The following CFAP54 variants were observed in gnomAD, a reference collection of about 807,000 sequenced individuals.
The protein encoded by CFAP54 is cilia and flagella associated protein 54, also known as cilia- and flagella-associated protein 54.
A neutral mutation model predicts 370.4 loss-of-function variants in CFAP54; 290 were observed. The observed-to-expected ratio is 0.78, with a 90% confidence interval of 0.71 to 0.86. CFAP54 has a LOEUF of 0.86. Ranked by LOEUF, CFAP54 falls within the 40% of genes least tolerant of loss-of-function variation. CFAP54 has a pLI of 0.00. For synonymous variants in CFAP54, 1,206 were observed against 1,236.5 expected, an observed-to-expected ratio of 0.98 and a Z score of 0.52; for missense variants, 3,399 against 3,528.7, an observed-to-expected ratio of 0.96 and a Z score of 0.93.
chr12:96,507,166 A>G, intron 4 of CFAP54, 67 bp downstream of exon 4: 1 of 1,187,920 alleles, frequency 8.4e-7, no homozygotes. Context: ...TAAGTTTGAC[A>G]GTAGCTTGAG....
chr12:96,547,888 C>T lies in CFAP54; in HGVS notation c.2078-14C>T. 7.2e-7 allele frequency: 1 copy of T among 1,397,436 alleles called. No homozygotes were observed. The highest frequency in any genetic ancestry group is 1.4e-5 in the South Asian group (1 of 72,670). 86.6% of individuals were successfully genotyped at this position (1,397,436 alleles called of 1,614,324 possible). On this transcript the variant is annotated splice_polypyrimidine_tract_variant and intron_variant, in intron 14 of 67. Transcript: ENST00000524981. ...TCCATCCTTCATTCCCTTCCTCCTTCCTTTCTTTTCCAGATGTACCTTTAA... is the reference window on the plus strand; with the variant it reads ...TCCATCCTTCATTCCCTTCCTCCTTTCTTTCTTTTCCAGATGTACCTTTAA...
At chr12:96,771,188 C>T (rs189476196) in intron 60 of CFAP54, among the ~76,000 whole-genome samples, 6 of 152,254 alleles carry the variant, frequency 3.9e-5, no homozygotes, top group Admixed American at 3.9e-4. Context: ...GACTTCAGTA[C>T]CAGACTCAAG....
At chr12:96,576,289 C>A (rs1451314771) in intron 19 of CFAP54, among the ~76,000 whole-genome samples, 1 of 151,562 alleles carries the variant, frequency 6.6e-6, no homozygotes, top group African/African-American at 2.4e-5. Flanking sequence ...GGTAGATATT[C>A]AAAAGGTTCA....
At chr12:96,544,476 T>C (rs1250865152) in intron 14 of CFAP54, among the ~76,000 whole-genome samples, 1 of 126,736 alleles carries the variant, frequency 7.9e-6, no homozygotes, top group Non-Finnish European at 1.8e-5. Flanking sequence ...TCCTGCTCCT[T>C]TTTCTCTCCA....
At chr12:96,681,187 T>A (rs1193079199) in intron 40 of CFAP54, among the ~76,000 whole-genome samples, 3 of 151,948 alleles carry the variant, frequency 2.0e-5, no homozygotes, top group Non-Finnish European at 2.9e-5. Flanking sequence ...AGGAATGGTT[T>A]ATACCAACTC....
intron 56 of CFAP54, among the ~76,000 whole-genome samples, chr12:96,755,814 C>A (rs144128475): frequency 6.6e-6 from 1 of 151,726 alleles, no homozygotes; most frequent in Non-Finnish European, 1.5e-5. Flanking sequence ...ATTACAGGCG[C>A]GCACCACCAT....
intron 1 of CFAP54, among the ~76,000 whole-genome samples, chr12:96,493,926 G>A (rs1954917620): frequency 6.6e-6 from 1 of 152,208 alleles, no homozygotes; most frequent in South Asian, 2.1e-4. Context: ...AAGATAGGAA[G>A]TTGCAATTTT....
chr12:96,750,251 C>A (rs1958167465), intron 55 of CFAP54, among the ~76,000 whole-genome samples: 1 of 152,162 alleles, frequency 6.6e-6, no homozygotes, highest in East Asian at 1.9e-4. Context: ...TCTGTCTGTT[C>A]TTACCCGTCA....
intron 8 of CFAP54, among the ~76,000 whole-genome samples, chr12:96,524,085 T>G (rs142812025): frequency 6.6e-6 from 1 of 152,290 alleles, no homozygotes; most frequent in African/African-American, 2.4e-5. Context: ...CTAAATAATT[T>G]CAATATGCAT....
intron 33 of CFAP54, chr12:96,645,577 T>TGG (rs1390248149): frequency 2.0e-4 from 30 of 153,250 alleles, no homozygotes; most frequent in African/African-American, 7.0e-4. Flanking sequence ...ATGACTTTCT[T>TGG]CACAGAATTG....
intron 8 of CFAP54, among the ~76,000 whole-genome samples, chr12:96,524,283 A>T (rs1955351191): frequency 6.6e-6 from 1 of 152,154 alleles, no homozygotes; most frequent in Non-Finnish European, 1.5e-5. Context: ...TGAGGATTAC[A>T]TTCTAGTGGA....
intron 5 of CFAP54, among the ~76,000 whole-genome samples, chr12:96,516,740 T>C (rs1955240118): frequency 1.3e-5 from 2 of 152,256 alleles, no homozygotes; most frequent in Non-Finnish European, 2.9e-5. Context: ...TTCATTTTAC[T>C]ATGAAACTGA....
intron 67 of CFAP54, among the ~76,000 whole-genome samples, chr12:96,865,494 T>A (rs1592821464): frequency 6.6e-6 from 1 of 152,124 alleles, no homozygotes; most frequent in Non-Finnish European, 1.5e-5. Context: ...TTAACACAAG[T>A]TCATTAATGA....
rs900472015 is a variant in CFAP54 at position 96,527,300 on chromosome 12, A to G, written c.1213A>G (p.Thr405Ala). The G allele has an allele frequency of 3.2e-5, 49 of 1,535,380 alleles. No individual in the cohort carries two copies. Among genetic ancestry groups the G allele is most frequent in the Non-Finnish European group, 4.0e-5 (46 of 1,146,582 alleles). The change falls in exon 9 of 68, where the codon ACT (threonine) becomes GCT (alanine). Residue 405 changes from threonine to alanine, a missense_variant. Physicochemically the swap from Thr to Ala is moderately conservative, Grantham distance 58. Transcript: ENST00000524981. ...GCTACTGGATGAGATGTTTGATAGC[A>G]CTGCATCCCAGTTTCTGGCTGTCTT... ...ERLLDEMFDS[T>A]ASQFLAVLEA...
chr12:96,514,092 G>A (rs1322360005), intron 5 of CFAP54, among the ~76,000 whole-genome samples: 1 of 152,210 alleles, frequency 6.6e-6, no homozygotes, highest in Admixed American at 6.5e-5. Flanking sequence ...TTATTGGAAT[G>A]TAGGCCAAGA....
chr12:96,625,745 A>T lies in CFAP54; in HGVS notation c.3914A>T (p.Glu1305Val). Residue 1305 changes from glutamate (E) to valine (V), a missense_variant, in exon 29 of 68, where the codon GAG becomes GTG. By Grantham distance (121) the Glu-to-Val change is moderately radical. Transcript: ENST00000524981. The stretch of plus-strand genomic sequence containing the variant: ...GTTACATCTGAACTCTCAGGAGGAG[A>T]GGACCCTATATTTCTTTATCCTGTA... ...QYVTSELSGG[E>V]DPIFLYPVVL... The T allele has an allele frequency of 6.5e-7, 1 of 1,535,728 alleles. No homozygotes were observed. Among genetic ancestry groups the T allele is most frequent in the Non-Finnish European group, 8.7e-7 (1 of 1,146,650 alleles).
intron 36 of CFAP54, 119 bp from the exon 37 acceptor site, chr12:96,657,763 A>AAG: frequency 1.3e-6 from 1 of 755,896 alleles, no homozygotes. Flanking sequence ...TAAGAAAAAT[A>AAG]TTTTTTCTTT....
At chr12:96,744,909 C>T (rs1019213614) in intron 55 of CFAP54, among the ~76,000 whole-genome samples, 7 of 152,116 alleles carry the variant, frequency 4.6e-5, no homozygotes, top group African/African-American at 1.7e-4. Flanking sequence ...TCCATGTGTT[C>T]TCATCATTCA....
intron 63 of CFAP54, among the ~76,000 whole-genome samples, chr12:96,801,463 C>A (rs1958818936): frequency 6.6e-6 from 1 of 152,122 alleles, no homozygotes; most frequent in Non-Finnish European, 1.5e-5. Context: ...TTTTAATGAA[C>A]CTCCCAGACA....
Sources: allele counts gnomAD v4.1 joint callset (sites outside exome capture counted in the v4.1 genomes callset), GRCh38; gene constraint gnomAD v4.1.1; transcripts MANE v1.5; gene names NCBI Gene and HGNC (gene_info 2026-07-23, HGNC 2026-07-21).